KLHDC1: variants seen among roughly 807,000 people sequenced by gnomAD.
KLHDC1 encodes kelch domain containing 1, also known as kelch domain-containing protein 1.
KLHDC1 carries 53 observed loss-of-function variants against 68.3 expected under a neutral mutation model. That is an observed-to-expected ratio of 0.78 (90% confidence interval 0.62 to 0.98). The LOEUF (loss-of-function observed/expected upper bound fraction) is 0.98, where lower values mean the gene tolerates loss of function less well. Among genes scored for constraint, KLHDC1 ranks in the 50% least tolerant of loss-of-function variants. The pLI is 0.00. For synonymous variants in KLHDC1, 148 were observed against 159.0 expected, an observed-to-expected ratio of 0.93 and a Z score of 0.52; for missense variants, 470 against 492.3, an observed-to-expected ratio of 0.95 and a Z score of 0.43.
intron 11 of KLHDC1, among the ~76,000 whole-genome samples, chr14:49,742,935 G>C (rs1195101196): frequency 6.6e-6 from 1 of 151,578 alleles, no homozygotes; most frequent in Admixed American, 6.6e-5. Flanking sequence ...AGCTGGACGT[G>C]GTAGCCTGTT....
At chr14:49,717,665 A>T (rs536474046) in intron 4 of KLHDC1, among the ~76,000 whole-genome samples, 1 of 151,724 alleles carries the variant, frequency 6.6e-6, no homozygotes, top group East Asian at 1.9e-4. Flanking sequence ...TATCAGGGTA[A>T]TGCTAGCCTC....
At chr14:49,713,826 A>G in intron 4 of KLHDC1, among the ~76,000 whole-genome samples, 1 of 2,036 alleles carries the variant, frequency 4.9e-4, no homozygotes, top group East Asian at 0.017. Flanking sequence ...ATATATATAT[A>G]TATATATATA....
chr14:49,718,786 T>C (rs1888448445), intron 4 of KLHDC1, among the ~76,000 whole-genome samples: 1 of 137,728 alleles, frequency 7.3e-6, no homozygotes, highest in African/African-American at 2.7e-5. Flanking sequence ...TTTTTTTTTT[T>C]TTTTTTTTGA....
chr14:49,722,468 G>A (rs1345870563), intron 4 of KLHDC1, among the ~76,000 whole-genome samples: 4 of 152,276 alleles, frequency 2.6e-5, no homozygotes, highest in African/African-American at 9.6e-5. Context: ...TGGCTGCATA[G>A]TATTCCATGG....
In KLHDC1 at chr14:49,751,977, A is replaced by G. The variant is rs1204870570; in HGVS notation, c.*205A>G. The G allele has an allele frequency of 3.4e-6, 1 of 294,764 alleles. No homozygotes were observed. The highest frequency in any genetic ancestry group is 6.3e-6 in the Non-Finnish European group (1 of 158,618). The allele number at this position is 294,764 out of a possible 1,614,324, so 18.3% of individuals were successfully genotyped here. A position where few individuals can be genotyped will look rare whatever the true frequency, so the allele number is the denominator to read the frequency against. On this transcript the variant is annotated 3_prime_UTR_variant, in exon 13 of 13. Coordinates refer to ENST00000359332, the MANE Select transcript of KLHDC1 (RefSeq NM_172193.3). ...TATATTTGTAAACAAATTTCCTTAC[A>G]AACTGCAGAACAAATATTCTTTCTG...
Position 49,734,677 on chromosome 14 carries a change from G to T in KLHDC1, c.896+16G>T, listed in dbSNP as rs758030993. ...CAAGACCTAGGTAAGTCAAGAAATT[G>T]ACAAATAGTAAAATAGTTAAGAATT... On this transcript the variant is annotated intron_variant, in intron 10 of 12. Transcript: ENST00000359332. 7.7e-6 allele frequency: 11 copies of T among 1,425,508 alleles called. No individual in the cohort carries two copies. The highest frequency in any genetic ancestry group is 1.2e-5 in the South Asian group (1 of 81,182). 88.3% of individuals were successfully genotyped at this position (1,425,508 alleles called of 1,614,324 possible).
At chr14:49,749,551 G>A (rs111618660) in intron 12 of KLHDC1, among the ~76,000 whole-genome samples, 5,820 of 151,632 alleles carry the variant, frequency 0.038, 373 homozygotes, top group African/African-American at 0.13. Flanking sequence ...GGTGGCATGC[G>A]CCTGTAGTCC....
chr14:49,711,303 G>C (rs1393203807), intron 4 of KLHDC1, among the ~76,000 whole-genome samples: 1 of 152,184 alleles, frequency 6.6e-6, no homozygotes, highest in Non-Finnish European at 1.5e-5. Context: ...CCAGGTTCAA[G>C]CAATTCTCTT....
intron 10 of KLHDC1, among the ~76,000 whole-genome samples, chr14:49,739,344 T>C (rs554787808): frequency 5.6e-4 from 85 of 152,330 alleles, no homozygotes; most frequent in Middle Eastern, 3.4e-3. Context: ...ATCACAAATA[T>C]TAGGCTAGGA....
intron 6 of KLHDC1, among the ~76,000 whole-genome samples, chr14:49,727,109 G>T (rs138930091): frequency 6.6e-6 from 1 of 152,064 alleles, no homozygotes; most frequent in Non-Finnish European, 1.5e-5. Flanking sequence ...TTAGCTGGGC[G>T]TGGCGGCATG....
At chr14:49,717,103 G>A (rs2139746106) in intron 4 of KLHDC1, among the ~76,000 whole-genome samples, 1 of 152,232 alleles carries the variant, frequency 6.6e-6, no homozygotes, top group Non-Finnish European at 1.5e-5. Flanking sequence ...ATGTTGGTTA[G>A]CCATTTATAT....
chr14:49,701,655 G>A (rs144538721), intron 1 of KLHDC1, among the ~76,000 whole-genome samples: 41 of 152,044 alleles, frequency 2.7e-4, no homozygotes, highest in East Asian at 9.7e-4. Flanking sequence ...GCGAAACTCC[G>A]TATCAAAAAA....
At chr14:49,720,713 G>C (rs1245474585) in intron 4 of KLHDC1, among the ~76,000 whole-genome samples, 3 of 151,842 alleles carry the variant, frequency 2.0e-5, no homozygotes, top group Non-Finnish European at 4.4e-5. Context: ...AGGCCATTTT[G>C]ATACTGTTCC....
chr14:49,711,561 A>G (rs1338011582), intron 4 of KLHDC1, among the ~76,000 whole-genome samples: 4 of 152,000 alleles, frequency 2.6e-5, no homozygotes. Flanking sequence ...GCTGGCCTCG[A>G]ACTCCTGACC....
At chr14:49,716,735 C>G (rs1415104722) in intron 4 of KLHDC1, among the ~76,000 whole-genome samples, 1 of 152,052 alleles carries the variant, frequency 6.6e-6, no homozygotes, top group Non-Finnish European at 1.5e-5. Context: ...TAAAATTTTT[C>G]ATTTTAACTA....
intron 1 of KLHDC1, 111 bp downstream of exon 1, chr14:49,693,401 C>T (rs1887627685): frequency 2.9e-6 from 2 of 691,164 alleles, no homozygotes; most frequent in Non-Finnish European, 4.1e-6. Flanking sequence ...CCTGGCGCGC[C>T]CGGCGCCTGC....
chr14:49,747,420 A>G (rs758930222), intron 12 of KLHDC1, among the ~76,000 whole-genome samples: 25 of 152,300 alleles, frequency 1.6e-4, no homozygotes, highest in Non-Finnish European at 2.4e-4. Context: ...GGAGAAGCCA[A>G]TGGAGAGTAG....
In KLHDC1 at chr14:49,695,116, A is replaced by ATGTGTGTGTGTGTGTGTG. The variant is rs71115393; in HGVS notation, c.96+1842_96+1859dup. ...CTCTGTAACATGCAATGCAGTTTTGATGTGTGTGTGTGTGTGTGTGTGTGT... is the reference window on the plus strand; with the variant it reads ...CTCTGTAACATGCAATGCAGTTTTGATGTGTGTGTGTGTGTGTGTGTGTGTGTGTGTGTGTGTGTGTGT... On this transcript the variant is annotated intron_variant, in intron 1 of 12. Transcript: ENST00000359332. Among the ~76,000 whole-genome samples, 636 of 142,192 alleles carry ATGTGTGTGTGTGTGTGTG rather than the reference A, an allele frequency of 4.5e-3. 4 individuals carry two copies. Among genetic ancestry groups the ATGTGTGTGTGTGTGTGTG allele is most frequent in the African/African-American group, 8.4e-3 (318 of 38,066 alleles). 93.3% of individuals were successfully genotyped at this position (142,192 alleles called of 152,430 possible). A position where few individuals can be genotyped will look rare whatever the true frequency, so the allele number is the denominator to read the frequency against.
chr14:49,742,534 G>A (rs188378372), intron 11 of KLHDC1, among the ~76,000 whole-genome samples: 30 of 152,052 alleles, frequency 2.0e-4, no homozygotes, highest in African/African-American at 7.0e-4. Flanking sequence ...TAGCCAGGAT[G>A]TGGTGGTGTG....
Sources: gnomAD v4.1 joint callset for allele counts (sites outside exome capture counted in the v4.1 genomes callset) on GRCh38, gnomAD v4.1.1 for gene constraint, MANE v1.5 for transcripts, NCBI Gene and HGNC (gene_info 2026-07-23, HGNC 2026-07-21) for gene names.